The following FSTL4 variants were observed in gnomAD, a reference collection of about 807,000 sequenced individuals.
FSTL4 encodes follistatin-related protein 4.
Under a neutral mutation model 78.2 loss-of-function variants are expected in FSTL4, and 28 were observed. That is an observed-to-expected ratio of 0.36 (90% confidence interval 0.27 to 0.49). The LOEUF is 0.49. Ranked by LOEUF, FSTL4 falls within the 20% of genes least tolerant of loss-of-function variation. The pLI is 0.98. For missense variants in FSTL4, 922 were observed against 1,084.9 expected, an observed-to-expected ratio of 0.85 and a Z score of 2.11; for synonymous variants, 422 against 440.5, an observed-to-expected ratio of 0.96 and a Z score of 0.53.
At chr5:133,456,419 G>A (rs1160864702) in intron 3 of FSTL4, among the ~76,000 whole-genome samples, 2 of 152,210 alleles carry the variant, frequency 1.3e-5, no homozygotes, top group Non-Finnish European at 2.9e-5. Context: ...TGGCTAGTGA[G>A]CCCTGCTTTT....
intron 4 of FSTL4, among the ~76,000 whole-genome samples, chr5:133,384,191 G>T (rs538476219): frequency 3.7e-4 from 56 of 152,238 alleles, no homozygotes; most frequent in African/African-American, 1.3e-3. Context: ...GGAAAGGAAG[G>T]TGCAATGACC....
chr5:133,312,655 G>A lies in FSTL4; in HGVS notation c.726C>T (p.Phe242=), dbSNP rs778501570. The A allele has an allele frequency of 2.5e-6, 4 of 1,613,868 alleles. No homozygotes were observed. Among genetic ancestry groups the A allele is most frequent in the Non-Finnish European group, 3.4e-6 (4 of 1,179,934 alleles). Residue 242 remains phenylalanine, a splice_region_variant and synonymous_variant, in exon 6 of 16, where the codon TTC becomes TTT. Coordinates refer to ENST00000265342, the MANE Select transcript of FSTL4 (RefSeq NM_015082.2). The part of the protein sequence containing the change: ...SLTLREFYMA[F]QVVQLSLAPE... Reference sequence around the variant, plus strand: ...TTTTCCCACTGGGACCCAACTTACGGAAGGCCATGTAGAACTCGCGGAGGG... The same window carrying A: ...TTTTCCCACTGGGACCCAACTTACGAAAGGCCATGTAGAACTCGCGGAGGG...
intron 4 of FSTL4, among the ~76,000 whole-genome samples, chr5:133,339,202 A>C (rs973459722): frequency 2.0e-5 from 3 of 152,190 alleles, no homozygotes; most frequent in African/African-American, 7.2e-5. Context: ...AAGCCTCTTC[A>C]GATCGGTGGG....
At chr5:133,280,454 C>T (rs779138816) in intron 6 of FSTL4, among the ~76,000 whole-genome samples, 13 of 152,156 alleles carry the variant, frequency 8.5e-5, no homozygotes, top group Non-Finnish European at 1.6e-4. Flanking sequence ...AGACTGATGC[C>T]ATTTGGGACA....
chr5:133,308,031 C>T (rs555256385), intron 6 of FSTL4, among the ~76,000 whole-genome samples: 8 of 152,306 alleles, frequency 5.3e-5, no homozygotes, highest in Non-Finnish European at 8.8e-5. Context: ...CTGCCTGCCT[C>T]GGCCTCCCAA....
intron 6 of FSTL4, among the ~76,000 whole-genome samples, chr5:133,301,146 C>T (rs1753529205): frequency 6.6e-6 from 1 of 152,138 alleles, no homozygotes; most frequent in Non-Finnish European, 1.5e-5. Flanking sequence ...CTCACTGAGC[C>T]CACCCTCTGC....
At chr5:133,492,325 T>G (rs897932339) in intron 3 of FSTL4, among the ~76,000 whole-genome samples, 2 of 152,210 alleles carry the variant, frequency 1.3e-5, no homozygotes, top group Non-Finnish European at 2.9e-5. Context: ...ATTCCCTTTC[T>G]CACTAGCAAT....
the FSTL4 span, among the ~76,000 whole-genome samples, chr5:133,824,032 T>C: frequency 6.6e-6 from 1 of 152,234 alleles, no homozygotes; most frequent in Admixed American, 6.5e-5. Flanking sequence ...TTTTTCCCTC[T>C]ACCCCCACAC....
chr5:133,834,040 T>C, the FSTL4 span, among the ~76,000 whole-genome samples: 1 of 152,294 alleles, frequency 6.6e-6, no homozygotes, highest in East Asian at 1.9e-4. Context: ...AAATGAACAA[T>C]GAACAATGAA....
chr5:133,425,849 G>A (rs1214090040), intron 3 of FSTL4, among the ~76,000 whole-genome samples: 2 of 152,216 alleles, frequency 1.3e-5, no homozygotes, highest in Admixed American at 6.5e-5. Context: ...TCCACTGCAC[G>A]ATAAGCCAAG....
At position 133,249,536 on chromosome 5, in the gene FSTL4, A is replaced by G; in HGVS notation, c.768T>C (p.Ser256=). The change falls in exon 7 of 16, where the codon AGT becomes AGC. Residue 256 remains serine (S), a synonymous_variant. Transcript: ENST00000265342. The part of the protein sequence containing the change: ...QLSLAPEDRV[S]VTTVTVGLST... ...TCAGCCCCACGGTCACTGTGGTCACACTGACCCTGTCCTCGGGGGCGAGGC... is the reference window on the plus strand; with the variant it reads ...TCAGCCCCACGGTCACTGTGGTCACGCTGACCCTGTCCTCGGGGGCGAGGC... The G allele has an allele frequency of 6.2e-7, 1 of 1,613,668 alleles. No homozygotes were observed.
the FSTL4 span, among the ~76,000 whole-genome samples, chr5:133,656,187 G>A: frequency 9.9e-5 from 15 of 152,188 alleles, no homozygotes; most frequent in East Asian, 2.9e-3. Flanking sequence ...AAGTGAGACA[G>A]GGAAGAGAAA....
chr5:133,507,380 G>T (rs769770304), intron 3 of FSTL4, among the ~76,000 whole-genome samples: 2 of 152,150 alleles, frequency 1.3e-5, no homozygotes, highest in Non-Finnish European at 2.9e-5. Flanking sequence ...AGACGGATCA[G>T]AAAGATGCTT....
At chr5:133,602,898 C>G (rs1052263343) in intron 2 of FSTL4, among the ~76,000 whole-genome samples, 1 of 152,108 alleles carries the variant, frequency 6.6e-6, no homozygotes, top group Non-Finnish European at 1.5e-5. Context: ...ATTAATCCTA[C>G]CCTACACTGA....
At chr5:133,561,110 A>C (rs1759903900) in intron 3 of FSTL4, among the ~76,000 whole-genome samples, 1 of 146,824 alleles carries the variant, frequency 6.8e-6, no homozygotes, top group Non-Finnish European at 1.5e-5. Context: ...AATAATAATA[A>C]TAATAATAAT....
intron 6 of FSTL4, among the ~76,000 whole-genome samples, chr5:133,274,762 A>G (rs1752843304): frequency 6.6e-6 from 1 of 152,222 alleles, no homozygotes; most frequent in African/African-American, 2.4e-5. Context: ...CTCCACCCCT[A>G]TTAAATAATG....
At chr5:133,639,816 T>C in the FSTL4 span, among the ~76,000 whole-genome samples, 2 of 152,142 alleles carry the variant, frequency 1.3e-5, no homozygotes, top group Non-Finnish European at 2.9e-5. Flanking sequence ...GGGTTGAGCT[T>C]GCATGCAAGA....
chr5:133,676,057 C>T, the FSTL4 span, among the ~76,000 whole-genome samples: 2 of 152,098 alleles, frequency 1.3e-5, no homozygotes, highest in Admixed American at 6.5e-5. Context: ...GACCCTCAGA[C>T]GTATGAATGA....
the FSTL4 span, among the ~76,000 whole-genome samples, chr5:133,705,082 A>T: frequency 6.6e-6 from 1 of 152,154 alleles, no homozygotes; most frequent in African/African-American, 2.4e-5. Context: ...TTGTTTTGAG[A>T]TGGAGTCTCG....
Sources: gnomAD v4.1 joint callset for allele counts (sites outside exome capture counted in the v4.1 genomes callset) on GRCh38, gnomAD v4.1.1 for gene constraint, MANE v1.5 for transcripts, NCBI Gene and HGNC (gene_info 2026-07-23, HGNC 2026-07-21) for gene names.